Variants in FRMD4B observed in about 807,000 individuals in gnomAD.
The protein encoded by FRMD4B is FERM domain containing 4B.
FRMD4B carries 74 observed loss-of-function variants against 141.5 expected under a neutral mutation model. The ratio of observed to expected loss-of-function variants is 0.52; its 90% CI spans 0.43 to 0.63. FRMD4B has a LOEUF of 0.63. Among genes scored for constraint, FRMD4B ranks in the 30% least tolerant of loss-of-function variants. The pLI, the probability that FRMD4B is intolerant of heterozygous loss-of-function variation, is 0.00. For missense variants in FRMD4B, 1,366 were observed against 1,253.4 expected, an observed-to-expected ratio of 1.09 and a Z score of -1.36; for synonymous variants, 506 against 467.9, an observed-to-expected ratio of 1.08 and a Z score of -1.05.
At chr3:69,258,744 A>G (rs1024136649) in intron 5 of FRMD4B, among the ~76,000 whole-genome samples, 1 of 152,148 alleles carries the variant, frequency 6.6e-6, no homozygotes, top group Non-Finnish European at 1.5e-5. Context: ...ATGTCCTTCA[A>G]TCTGTTCTCC....
intron 11 of FRMD4B, among the ~76,000 whole-genome samples, chr3:69,210,435 A>G (rs893691870): frequency 5.9e-5 from 9 of 152,002 alleles, no homozygotes; most frequent in African/African-American, 2.2e-4. Context: ...TTTTTCTTTA[A>G]GTGAAACTTC....
chr3:69,437,802 T>C (rs1347441558), intron 1 of FRMD4B, among the ~76,000 whole-genome samples: 1 of 121,926 alleles, frequency 8.2e-6, no homozygotes, highest in Non-Finnish European at 1.6e-5. Context: ...TATATATTTA[T>C]ATTTTTATAT....
chr3:69,286,272 T>A (rs1003085953), intron 5 of FRMD4B, among the ~76,000 whole-genome samples: 1 of 152,234 alleles, frequency 6.6e-6, no homozygotes, highest in African/African-American at 2.4e-5. Context: ...ACTGTTTAAA[T>A]CTCTTTAAAG....
chr3:69,403,988 T>G (rs1371630728), intron 2 of FRMD4B, among the ~76,000 whole-genome samples: 1 of 152,214 alleles, frequency 6.6e-6, no homozygotes, highest in Non-Finnish European at 1.5e-5. Context: ...CTTGAATTCC[T>G]GGGCTCAAGC....
intron 3 of FRMD4B, among the ~76,000 whole-genome samples, 198 bp from the exon 4 acceptor site, chr3:69,302,633 C>A (rs1343538349): frequency 6.6e-6 from 1 of 152,198 alleles, no homozygotes; most frequent in African/African-American, 2.4e-5. Context: ...ACCAGCATTT[C>A]CATTTCCAGG....
At chr3:69,488,360 G>T (rs1323973829) in intron 1 of FRMD4B, among the ~76,000 whole-genome samples, 1 of 152,156 alleles carries the variant, frequency 6.6e-6, no homozygotes, top group Non-Finnish European at 1.5e-5. Context: ...GCTCTGTGAA[G>T]GCTTCACATC....
chr3:69,516,945 C>G (rs1202598680), intron 1 of FRMD4B, among the ~76,000 whole-genome samples: 1 of 152,154 alleles, frequency 6.6e-6, no homozygotes, highest in Non-Finnish European at 1.5e-5. Context: ...GCCCATATTT[C>G]TCTCAGAAGC....
intron 1 of FRMD4B, among the ~76,000 whole-genome samples, chr3:69,527,632 T>C (rs754237865): frequency 6.6e-6 from 1 of 152,244 alleles, no homozygotes; most frequent in Non-Finnish European, 1.5e-5. Flanking sequence ...ATGTTTATAT[T>C]GCAGGAGCAT....
At chr3:69,318,641 T>A (rs1701884892) in intron 1 of FRMD4B, among the ~76,000 whole-genome samples, 1 of 152,214 alleles carries the variant, frequency 6.6e-6, no homozygotes, top group Admixed American at 6.5e-5. Context: ...GATTTGATGC[T>A]CGCTAGCAAC....
intron 2 of FRMD4B, among the ~76,000 whole-genome samples, chr3:69,419,426 C>A (rs1291838875): frequency 6.6e-6 from 1 of 152,140 alleles, no homozygotes; most frequent in Non-Finnish European, 1.5e-5. Context: ...ACTCATAGGT[C>A]CAGGCTTATA....
intron 2 of FRMD4B, among the ~76,000 whole-genome samples, chr3:69,427,644 T>TTTTTTTTTTG (rs1491462388): frequency 1.4e-4 from 7 of 50,244 alleles, no homozygotes; most frequent in Non-Finnish European, 2.7e-4. Context: ...TAGGTAAATG[T>TTTTTTTTTTG]TTTTTTTTTT....
intron 1 of FRMD4B, among the ~76,000 whole-genome samples, chr3:69,443,342 G>A (rs970294296): frequency 6.6e-6 from 1 of 152,138 alleles, no homozygotes; most frequent in Non-Finnish European, 1.5e-5. Flanking sequence ...AGAAACTCCT[G>A]CTTTTTGGAC....
intron 2 of FRMD4B, among the ~76,000 whole-genome samples, chr3:69,418,757 G>T (rs1306361995): frequency 6.6e-6 from 1 of 152,096 alleles, no homozygotes; most frequent in Non-Finnish European, 1.5e-5. Flanking sequence ...CTTAATTTCA[G>T]CCTGGTAAGA....
At chr3:69,453,164 T>A (rs1373686017) in intron 1 of FRMD4B, among the ~76,000 whole-genome samples, 1 of 152,262 alleles carries the variant, frequency 6.6e-6, no homozygotes, top group East Asian at 1.9e-4. Flanking sequence ...AGGGAAGAGA[T>A]GAAGAGATGG....
At chr3:69,317,849 T>C (rs2107264001) in intron 1 of FRMD4B, among the ~76,000 whole-genome samples, 1 of 152,128 alleles carries the variant, frequency 6.6e-6, no homozygotes, top group African/African-American at 2.4e-5. Flanking sequence ...CCTAATGTTT[T>C]CCAGTCACTT....
At chr3:69,450,846 T>C (rs986622479) in intron 1 of FRMD4B, among the ~76,000 whole-genome samples, 6 of 152,182 alleles carry the variant, frequency 3.9e-5, no homozygotes, top group African/African-American at 1.4e-4. Context: ...CATCTGATGG[T>C]ACATTTGCCA....
At chr3:69,260,962 C>A (rs920323399) in intron 5 of FRMD4B, among the ~76,000 whole-genome samples, 5 of 152,184 alleles carry the variant, frequency 3.3e-5, no homozygotes, top group Admixed American at 1.3e-4. Flanking sequence ...ACGGACCAAT[C>A]AGCTCTCTGT....
intron 19 of FRMD4B, among the ~76,000 whole-genome samples, chr3:69,186,741 G>T (rs2092771816): frequency 6.6e-6 from 1 of 152,142 alleles, no homozygotes; most frequent in African/African-American, 2.4e-5. Flanking sequence ...GCTTCATTAG[G>T]TTGCCCAGAC....
chr3:69,439,864 T>C (rs1705317333), intron 1 of FRMD4B, among the ~76,000 whole-genome samples: 1 of 152,248 alleles, frequency 6.6e-6, no homozygotes, highest in Non-Finnish European at 1.5e-5. Flanking sequence ...CAATTTTTAC[T>C]GCTCATTCAT....
Sources: gnomAD v4.1 joint callset for allele counts (sites outside exome capture counted in the v4.1 genomes callset) on GRCh38, gnomAD v4.1.1 for gene constraint, MANE v1.5 for transcripts, NCBI Gene and HGNC (gene_info 2026-07-23, HGNC 2026-07-21) for gene names.